WAPL: variants seen among roughly 807,000 people sequenced by gnomAD.
WAPL encodes the protein WAPL cohesin release factor, also known as wings apart-like protein homolog.
Under a neutral mutation model 121.0 loss-of-function variants are expected in WAPL, and 5 were observed. The ratio of observed to expected loss-of-function variants is 0.04; its 90% CI spans 0.02 to 0.09. The LOEUF is 0.09. WAPL is among the 10% of genes least tolerant of loss of function. The pLI is 1.00. For missense variants in WAPL, 999 were observed against 1,410.8 expected (o/e 0.71, Z 4.68); for synonymous variants, 480 against 481.5 (o/e 1.00, Z 0.04).
intron 17 of WAPL, among the ~76,000 whole-genome samples, chr10:86,439,005 G>C (rs1387174136): frequency 6.6e-6 from 1 of 152,100 alleles, no homozygotes; most frequent in Admixed American, 6.6e-5. Context: ...GTAGTAAGGG[G>C]CAAAAGAAAG....
Position 86,472,828 on chromosome 10 carries a change from T to C in WAPL, c.1741-64A>G. 2.8e-6 allele frequency: 4 copies of C among 1,451,372 alleles called. No homozygotes were observed. Among genetic ancestry groups the C allele is most frequent in the Non-Finnish European group, 2.8e-6 (3 of 1,090,054 alleles). The allele number at this position is 1,451,372 out of a possible 1,614,324, so 89.9% of individuals were successfully genotyped here. ...TATATAAAAATAGGAACGTCTCATC[T>C]ATCTGGCAAATTCAGCTTCAAAAAA... is the stretch of plus-strand genomic sequence containing the variant. On this transcript the variant is annotated intron_variant, in intron 5 of 18. Coordinates refer to ENST00000298767, the MANE Select transcript of WAPL (RefSeq NM_015045.5). This position sits in a 1 kb window ranked among gnomAD's most constrained non-coding sequence, Gnocchi z 4.2.
intron 9 of WAPL, among the ~76,000 whole-genome samples, chr10:86,466,103 C>T (rs1218329905): frequency 6.6e-6 from 1 of 152,050 alleles, no homozygotes; most frequent in African/African-American, 2.4e-5. Flanking sequence ...ACACATGGGG[C>T]ATTGTGATGA....
Position 86,437,380 on chromosome 10 carries a change from G to T in WAPL, c.*163C>A. 2.1e-5 allele frequency: 13 copies of T among 617,552 alleles called. No homozygotes were observed. The highest frequency in any genetic ancestry group is 2.0e-4 in the South Asian group (9 of 44,882). The allele number at this position is 617,552 out of a possible 1,614,324, so 38.3% of individuals were successfully genotyped here. A position where few individuals can be genotyped will look rare whatever the true frequency, so the allele number is the denominator to read the frequency against. On this transcript the variant is annotated 3_prime_UTR_variant, in exon 19 of 19. Transcript: ENST00000298767. ...ATGTAGTAACTGTCATTTAGCAAAT[G>T]CCGAATGCATGACGAAGAAATCAGG...
chr10:86,495,033 G>C (rs914993186), intron 4 of WAPL, among the ~76,000 whole-genome samples: 2 of 152,016 alleles, frequency 1.3e-5, no homozygotes, highest in African/African-American at 4.8e-5. Flanking sequence ...GGAAAAATAA[G>C]GCCATAAAAA....
intron 4 of WAPL, among the ~76,000 whole-genome samples, chr10:86,479,203 A>C (rs947130775): frequency 6.6e-6 from 1 of 152,140 alleles, no homozygotes; most frequent in African/African-American, 2.4e-5. Context: ...GTTATCCCCC[A>C]CTGGGCTGGC....
intron 4 of WAPL, among the ~76,000 whole-genome samples, 163 bp downstream of exon 4, chr10:86,497,038 T>A (rs1042782014): frequency 6.6e-6 from 1 of 152,186 alleles, no homozygotes; most frequent in African/African-American, 2.4e-5. Context: ...TATGTATATT[T>A]TACAATTTTT....
In WAPL at chr10:86,467,372, T is replaced by G; in HGVS notation, c.2277A>C (p.Leu759=). 6.2e-7 allele frequency: 1 copy of G among 1,614,122 alleles called. No homozygotes were observed. The highest frequency in any genetic ancestry group is 8.5e-7 in the Non-Finnish European group (1 of 1,180,022). Residue 759 remains leucine, a synonymous_variant, in exon 9 of 19, where the codon CTA becomes CTC. Transcript: ENST00000298767. Reference sequence around the variant, plus strand: ...TTTTGTTCATGTCTTTTTCATTCAGTAGCTTGGCTGATGAAGCATCTTGTT... The same window carrying G: ...TTTTGTTCATGTCTTTTTCATTCAGGAGCTTGGCTGATGAAGCATCTTGTT... ...ELEQDASSAK[L]LNEKDMNKIK...
chr10:86,489,827 C>G lies in WAPL; in HGVS notation c.1644+7374G>C, dbSNP rs111379444. ...TCTTAAATCTAATCAGATTAGAGAG[C>G]CAGAAAATCCAGATACTCTCACTGG... is the stretch of plus-strand genomic sequence containing the variant. On this transcript the variant is annotated intron_variant, in intron 4 of 18. Coordinates refer to ENST00000298767, the MANE Select transcript of WAPL (RefSeq NM_015045.5). 1.6e-3 allele frequency among the ~76,000 whole-genome samples: 239 copies of G among 148,312 alleles called. 1 individual carries two copies. Among genetic ancestry groups the G allele is most frequent in the African/African-American group, 5.7e-3 (227 of 39,918 alleles).
At chr10:86,492,401 C>T (rs1429574985) in intron 4 of WAPL, among the ~76,000 whole-genome samples, 2 of 152,148 alleles carry the variant, frequency 1.3e-5, no homozygotes, top group Non-Finnish European at 2.9e-5. Flanking sequence ...ACAGGGCATG[C>T]ACGTGGTACT....
Position 86,472,089 on chromosome 10 carries a change from G to T in WAPL, c.2030+119C>A. The T allele has an allele frequency of 1.2e-6, 1 of 852,978 alleles. No homozygotes were observed. Among genetic ancestry groups the T allele is most frequent in the Non-Finnish European group, 1.7e-6 (1 of 585,210 alleles). 52.8% of individuals were successfully genotyped at this position (852,978 alleles called of 1,614,324 possible). ...TGGATAGCATTTTAACATATCACTG[G>T]CTATACATACTACCCCATCATAACA... On this transcript the variant is annotated intron_variant, in intron 7 of 18. Transcript: ENST00000298767. This position sits in a 1 kb window ranked among gnomAD's most constrained non-coding sequence, Gnocchi z 4.2.
At chr10:86,520,209 C>G (rs900193203) in intron 1 of WAPL, among the ~76,000 whole-genome samples, 3 of 152,158 alleles carry the variant, frequency 2.0e-5, no homozygotes, top group Non-Finnish European at 2.9e-5. Context: ...GCAGGAGAAT[C>G]AATTGAACCT....
intron 4 of WAPL, among the ~76,000 whole-genome samples, chr10:86,476,937 T>TTGG (rs1175750501): frequency 5.3e-5 from 8 of 152,190 alleles, no homozygotes; most frequent in Non-Finnish European, 1.5e-5. Flanking sequence ...AAAGGAACTT[T>TTGG]TGGTTATGCT....
chr10:86,515,347 TGACG>T (rs1842535191), intron 2 of WAPL, among the ~76,000 whole-genome samples: 1 of 151,984 alleles, frequency 6.6e-6, no homozygotes, highest in South Asian at 2.1e-4. Flanking sequence ...TACAGTGGTT[TGACG>T]GACAGTAGGT....
chr10:86,446,225 A>C lies in WAPL; in HGVS notation c.3322+17T>G. 1.2e-6 allele frequency: 2 copies of C among 1,612,310 alleles called. No homozygotes were observed. Among genetic ancestry groups the C allele is most frequent in the Non-Finnish European group, 1.7e-6 (2 of 1,178,800 alleles). ...CCACTATCTTCAATTTAAATACACC[A>C]TTCAAAGTAAATATACCTTTATTGA... On this transcript the variant is annotated intron_variant, in intron 16 of 18. Transcript: ENST00000298767.
At chr10:86,468,543 A>G (rs1385261961) in intron 8 of WAPL, among the ~76,000 whole-genome samples, 1 of 152,214 alleles carries the variant, frequency 6.6e-6, no homozygotes, top group Non-Finnish European at 1.5e-5. Context: ...TTTAAAATCA[A>G]TAATTTAAAT....
intron 4 of WAPL, among the ~76,000 whole-genome samples, chr10:86,482,297 T>C (rs1841807738): frequency 6.6e-6 from 1 of 152,226 alleles, no homozygotes; most frequent in African/African-American, 2.4e-5. Context: ...GCATGGATAC[T>C]GAAGATTATG....
At chr10:86,479,944 T>G (rs1421326996) in intron 4 of WAPL, among the ~76,000 whole-genome samples, 1 of 152,256 alleles carries the variant, frequency 6.6e-6, no homozygotes, top group Non-Finnish European at 1.5e-5. Context: ...TTGAGCTCTT[T>G]ACAACTTCCT....
At chr10:86,473,205 C>CATATATAATA (rs2132193874) in intron 5 of WAPL, among the ~76,000 whole-genome samples, 1 of 152,246 alleles carries the variant, frequency 6.6e-6, no homozygotes, top group South Asian at 2.1e-4. Context: ...TGCTATATTA[C>CATATATAATA]TACTAATATA....
Position 86,472,639 on chromosome 10 carries a change from T to C in WAPL, c.1866A>G (p.Ala622=). The stretch of plus-strand genomic sequence containing the variant: ...CTTTGTCTTCTCGTCTGCATTTCAG[T>C]GCAGTAACTATATCTTGGTAGGGCT... ...PTQPYQDIVT[A]LKCRREDKEL... Residue 622 remains alanine, a synonymous_variant, in exon 6 of 19, where the codon GCA becomes GCG. Transcript: ENST00000298767. The surrounding 1 kb of genome is among the most constrained non-coding windows in gnomAD (Gnocchi z 4.2). 3 of 1,613,942 alleles carry C rather than the reference T, an allele frequency of 1.9e-6. No homozygotes were observed. Among genetic ancestry groups the C allele is most frequent in the Non-Finnish European group, 1.7e-6 (2 of 1,179,906 alleles).
Sources: gnomAD v4.1 joint callset for allele counts (sites outside exome capture counted in the v4.1 genomes callset) on GRCh38, gnomAD v4.1.1 for gene constraint, Gnocchi (gnomAD v3.1) non-coding constraint, MANE v1.5 for transcripts, NCBI Gene and HGNC (gene_info 2026-07-23, HGNC 2026-07-21) for gene names.